Variants in RANBP2 observed in about 807,000 individuals in gnomAD.
RANBP2 encodes E3 SUMO-protein ligase RanBP2.
Under a neutral mutation model 303.6 loss-of-function variants are expected in RANBP2, and 57 were observed. That is an observed-to-expected ratio of 0.19 (90% CI 0.15 to 0.23). The LOEUF (loss-of-function observed/expected upper bound fraction) is 0.23. RANBP2 is among the 10% of genes least tolerant of loss of function. The pLI is 1.00. For synonymous variants in RANBP2, 1,167 were observed against 1,301.5 expected (o/e 0.90, Z 2.23); for missense variants, 3,138 against 3,780.8 (o/e 0.83, Z 4.46).
chr2:109,336,580 C>T, the RANBP2 span, among the ~76,000 whole-genome samples: 3 of 152,222 alleles, frequency 2.0e-5, no homozygotes, highest in Non-Finnish European at 4.4e-5. Context: ...GATGCCAGCC[C>T]TGGGCAGTGT....
chr2:108,853,382 TTAACAA>T, the RANBP2 span, among the ~76,000 whole-genome samples: 8 of 152,156 alleles, frequency 5.3e-5, no homozygotes, highest in Non-Finnish European at 7.4e-5. Flanking sequence ...TTATATGTCA[TTAACAA>T]TAAGTATGGA....
the RANBP2 span, among the ~76,000 whole-genome samples, chr2:109,410,394 G>A: frequency 2.0e-5 from 3 of 152,364 alleles, no homozygotes; most frequent in Non-Finnish European, 4.4e-5. Context: ...CTGAGCTCCA[G>A]CCCTGACCTC....
At chr2:108,726,128 C>G (rs1013653429) in intron 1 of RANBP2, among the ~76,000 whole-genome samples, 2 of 152,186 alleles carry the variant, frequency 1.3e-5, no homozygotes, top group Non-Finnish European at 2.9e-5. Context: ...ATAAACATTT[C>G]ATGAGTTTTA....
chr2:109,735,478 ATCTCTCTC>A, the RANBP2 span, among the ~76,000 whole-genome samples: 5 of 147,328 alleles, frequency 3.4e-5, no homozygotes, highest in Admixed American at 2.7e-4. Flanking sequence ...AGTAATGCAG[ATCTCTCTC>A]TCTCTCTCTC....
the RANBP2 span, among the ~76,000 whole-genome samples, chr2:109,671,935 C>T: frequency 3.3e-5 from 5 of 150,346 alleles, no homozygotes; most frequent in Non-Finnish European, 5.9e-5. Context: ...TTTTCTTTTT[C>T]TCATCACCAT....
chr2:109,349,615 C>T, the RANBP2 span, among the ~76,000 whole-genome samples: 3 of 152,186 alleles, frequency 2.0e-5, no homozygotes, highest in Admixed American at 6.5e-5. Flanking sequence ...GGAGACAGAC[C>T]CCATAATGGC....
At chr2:108,858,790 A>T in the RANBP2 span, among the ~76,000 whole-genome samples, 1 of 151,896 alleles carries the variant, frequency 6.6e-6, no homozygotes, top group East Asian at 1.9e-4. Flanking sequence ...GCTTCAACTG[A>T]ACTCGTCATT....
At chr2:109,339,349 TG>T in the RANBP2 span, among the ~76,000 whole-genome samples, 1 of 151,970 alleles carries the variant, frequency 6.6e-6, no homozygotes, top group Non-Finnish European at 1.5e-5. Flanking sequence ...ATGTGGTGGT[TG>T]GTTTGGGTTG....
chr2:109,165,878 G>A, the RANBP2 span, among the ~76,000 whole-genome samples: 1 of 152,350 alleles, frequency 6.6e-6, no homozygotes, highest in East Asian at 1.9e-4. Flanking sequence ...GCCCAGGCTG[G>A]ATGCCTGTGC....
chr2:108,755,321 C>T (rs961430934), intron 17 of RANBP2, 62 bp downstream of exon 17: 623 of 1,609,112 alleles, frequency 3.9e-4, no homozygotes, highest in Non-Finnish European at 5.1e-4. Flanking sequence ...TGGCCACTCT[C>T]TCACTTTTTT....
the RANBP2 span, chr2:109,432,779 G>A: frequency 0.51 from 717,018 of 1,411,320 alleles, 185,504 homozygotes; most frequent in Admixed American, 0.53. Context: ...CCAGAAGGCA[G>A]CAAGGCCACC....
the RANBP2 span, among the ~76,000 whole-genome samples, chr2:108,870,007 A>G: frequency 6.6e-6 from 1 of 152,246 alleles, no homozygotes; most frequent in African/African-American, 2.4e-5. Flanking sequence ...TAAAACAACT[A>G]TCTTAAATAT....
At chr2:109,440,433 A>G in the RANBP2 span, among the ~76,000 whole-genome samples, 2 of 152,238 alleles carry the variant, frequency 1.3e-5, no homozygotes, top group Non-Finnish European at 2.9e-5. Context: ...CCACGTAAGG[A>G]ATTTAGATGT....
the RANBP2 span, among the ~76,000 whole-genome samples, chr2:109,163,300 G>A: frequency 2.0e-5 from 3 of 151,368 alleles, no homozygotes; most frequent in South Asian, 2.1e-4. Context: ...GGTGATTACC[G>A]TGTTGAAAGA....
At chr2:109,188,468 C>T in the RANBP2 span, among the ~76,000 whole-genome samples, 1 of 152,212 alleles carries the variant, frequency 6.6e-6, no homozygotes, top group Non-Finnish European at 1.5e-5. Flanking sequence ...CGCATTGTTT[C>T]CCCCTGGGGT....
the RANBP2 span, among the ~76,000 whole-genome samples, chr2:109,380,804 G>C: frequency 3.5e-4 from 53 of 152,162 alleles, no homozygotes; most frequent in Non-Finnish European, 6.2e-4. Context: ...ACCTGCATAG[G>C]CAGACATCAA....
At chr2:109,203,625 C>T in the RANBP2 span, among the ~76,000 whole-genome samples, 7 of 152,100 alleles carry the variant, frequency 4.6e-5, no homozygotes, top group Non-Finnish European at 8.8e-5. Context: ...CGACAAGCAT[C>T]GTGGCCCTGT....
the RANBP2 span, among the ~76,000 whole-genome samples, chr2:109,687,777 C>T: frequency 1.4e-5 from 2 of 145,970 alleles, no homozygotes; most frequent in Non-Finnish European, 1.5e-5. Context: ...GGGTCTGACT[C>T]TGTTGCTGAG....
the RANBP2 span, among the ~76,000 whole-genome samples, chr2:109,268,512 G>C: frequency 6.6e-6 from 1 of 152,184 alleles, no homozygotes; most frequent in Non-Finnish European, 1.5e-5. Flanking sequence ...CCTCTGTCCA[G>C]CAGGAGCCTG....
Sources: gnomAD v4.1 joint callset for allele counts (sites outside exome capture counted in the v4.1 genomes callset) on GRCh38, gnomAD v4.1.1 for gene constraint, MANE v1.5 for transcripts, NCBI Gene and HGNC (gene_info 2026-07-23, HGNC 2026-07-21) for gene names.